Variants in PDE10A observed in about 807,000 individuals in gnomAD.
The protein encoded by PDE10A is phosphodiesterase 10A.
In PDE10A, 39 loss-of-function variants were observed where a neutral mutation model predicts 97.7. The observed-to-expected ratio is 0.40, with a 90% CI of 0.31 to 0.52. The LOEUF (loss-of-function observed/expected upper bound fraction) is 0.52. PDE10A is among the 20% of genes least tolerant of loss of function. The pLI, the probability that PDE10A is intolerant of heterozygous loss-of-function variation, is 0.56. For synonymous variants in PDE10A, 371 were observed against 376.8 expected (o/e 0.98, Z 0.18); for missense variants, 731 against 1,047.8 (o/e 0.70, Z 4.17).
chr6:165,909,677 G>T (rs1002946251), intron 1 of PDE10A, among the ~76,000 whole-genome samples: 11 of 152,186 alleles, frequency 7.2e-5, no homozygotes, highest in African/African-American at 2.7e-4. Context: ...CTTCTCACCT[G>T]CTCCTCTTGC....
chr6:165,651,846 TTTTA>T (rs1368080911), intron 1 of PDE10A, among the ~76,000 whole-genome samples: 1 of 152,208 alleles, frequency 6.6e-6, no homozygotes, highest in African/African-American at 2.4e-5. Flanking sequence ...AATAATCTAT[TTTTA>T]TTTTTTTCTA....
At chr6:165,824,860 T>C (rs1469080691) in intron 1 of PDE10A, among the ~76,000 whole-genome samples, 4 of 150,514 alleles carry the variant, frequency 2.7e-5, no homozygotes, top group Non-Finnish European at 5.9e-5. Flanking sequence ...CTGGGTGCGG[T>C]GGCTCATGCC....
At chr6:165,619,419 G>GTAGTGCAGTGGTCTAGTGCAGTGTAGTC (rs1554296732) in intron 1 of PDE10A, among the ~76,000 whole-genome samples, 2 of 19,408 alleles carry the variant, frequency 1.0e-4, no homozygotes, top group Non-Finnish European at 1.0e-4. Flanking sequence ...CTAGTGTAGT[G>GTAGTGCAGTGGTCTAGTGCAGTGTAGTC]TAGTGTAGTA....
intron 3 of PDE10A, among the ~76,000 whole-genome samples, chr6:165,478,978 A>G (rs1033221136): frequency 3.3e-5 from 5 of 152,172 alleles, no homozygotes; most frequent in Non-Finnish European, 7.3e-5. Flanking sequence ...ACCAAGGGAC[A>G]TGTACTGAAT....
chr6:165,628,571 T>C (rs1788491393), intron 1 of PDE10A, among the ~76,000 whole-genome samples: 1 of 151,550 alleles, frequency 6.6e-6, no homozygotes, highest in Non-Finnish European at 1.5e-5. Context: ...ATATCCAGGC[T>C]CGCCTCAAGT....
intron 1 of PDE10A, among the ~76,000 whole-genome samples, chr6:165,616,581 T>C (rs924182856): frequency 2.2e-4 from 33 of 152,218 alleles, no homozygotes; most frequent in African/African-American, 7.7e-4. Context: ...GAAGCCGATA[T>C]CATGTTAACG....
At chr6:165,788,640 C>A (rs950165293) in intron 1 of PDE10A, among the ~76,000 whole-genome samples, 2 of 150,972 alleles carry the variant, frequency 1.3e-5, no homozygotes, top group Non-Finnish European at 2.9e-5. Context: ...TTTAATCTAA[C>A]AATCCTGAAA....
intron 16 of PDE10A, among the ~76,000 whole-genome samples, chr6:165,389,203 TG>T (rs34625825): frequency 0.19 from 28,447 of 152,084 alleles, 3,185 homozygotes; most frequent in African/African-American, 0.3. Flanking sequence ...CTCAGTGATC[TG>T]GGGAACTATT....
intron 1 of PDE10A, among the ~76,000 whole-genome samples, chr6:165,867,908 C>T (rs536150771): frequency 2.0e-5 from 3 of 152,126 alleles, no homozygotes; most frequent in Non-Finnish European, 2.9e-5. Flanking sequence ...GGAAATTAAA[C>T]ATGTTCCTTA....
At chr6:165,957,865 G>C (rs1487134524) in intron 1 of PDE10A, among the ~76,000 whole-genome samples, 1 of 152,138 alleles carries the variant, frequency 6.6e-6, no homozygotes, top group Admixed American at 6.5e-5. Context: ...TGTGTTTGGG[G>C]GAGTCTGAAT....
At chr6:165,453,199 C>G (rs1288345244) in intron 3 of PDE10A, among the ~76,000 whole-genome samples, 1 of 152,130 alleles carries the variant, frequency 6.6e-6, no homozygotes, top group Non-Finnish European at 1.5e-5. Flanking sequence ...CATGACTACT[C>G]TTAACTGCAC....
intron 1 of PDE10A, among the ~76,000 whole-genome samples, chr6:165,923,327 G>A (rs1244815412): frequency 2.0e-5 from 3 of 152,192 alleles, no homozygotes; most frequent in African/African-American, 7.2e-5. Context: ...ACAAAACTCT[G>A]TGCATGTCTA....
chr6:165,465,438 A>G (rs1264838333), intron 3 of PDE10A, among the ~76,000 whole-genome samples: 2 of 152,240 alleles, frequency 1.3e-5, no homozygotes, highest in Non-Finnish European at 2.9e-5. Flanking sequence ...CACTTGTTCT[A>G]CAGTGTAACT....
chr6:165,664,356 T>C (rs1269141170), upstream of PDE10A, among the ~76,000 whole-genome samples: 1 of 151,186 alleles, frequency 6.6e-6, no homozygotes, highest in East Asian at 1.9e-4. Flanking sequence ...CCATCCAAAC[T>C]CCCCCCAATG....
At chr6:165,504,455 T>A (rs1296827349) in intron 2 of PDE10A, among the ~76,000 whole-genome samples, 1 of 152,192 alleles carries the variant, frequency 6.6e-6, no homozygotes, top group Non-Finnish European at 1.5e-5. Context: ...TGGCCCAATA[T>A]GCTGAGGTCT....
intron 1 of PDE10A, among the ~76,000 whole-genome samples, chr6:165,691,174 TC>T (rs1562687098): frequency 5.5e-5 from 2 of 36,440 alleles, no homozygotes; most frequent in East Asian, 4.8e-4. Flanking sequence ...TCTTTCTTTC[TC>T]TCTCTCTCTC....
At chr6:165,400,250 AGAG>A (rs1786538787) in intron 13 of PDE10A, among the ~76,000 whole-genome samples, 1 of 152,050 alleles carries the variant, frequency 6.6e-6, no homozygotes, top group African/African-American at 2.4e-5. Flanking sequence ...AAAAAAAAAC[AGAG>A]GAGAAATGTC....
chr6:165,457,013 G>A (rs912633796), intron 3 of PDE10A, among the ~76,000 whole-genome samples: 6 of 152,090 alleles, frequency 3.9e-5, no homozygotes, highest in Admixed American at 1.3e-4. Context: ...TTAGCCTTCT[G>A]GTCATTCTGT....
At chr6:165,693,824 C>T (rs1791373257) in intron 1 of PDE10A, among the ~76,000 whole-genome samples, 1 of 152,178 alleles carries the variant, frequency 6.6e-6, no homozygotes, top group South Asian at 2.1e-4. Flanking sequence ...AGGTCATAAT[C>T]TAACTCATTC....
Sources: gnomAD v4.1 joint callset for allele counts (sites outside exome capture counted in the v4.1 genomes callset) on GRCh38, gnomAD v4.1.1 for gene constraint, MANE v1.5 for transcripts, NCBI Gene and HGNC (gene_info 2026-07-23, HGNC 2026-07-21) for gene names.